The following HHIPL1 variants were observed in gnomAD, a reference collection of about 807,000 sequenced individuals.
The protein encoded by HHIPL1 is HHIP-like protein 1.
Under a neutral mutation model 61.8 loss-of-function variants are expected in HHIPL1, and 43 were observed. The ratio of observed to expected loss-of-function variants is 0.70; its 90% CI spans 0.55 to 0.90. The LOEUF is 0.90. Ranked by LOEUF, HHIPL1 falls within the 40% of genes least tolerant of loss-of-function variation. HHIPL1 has a pLI of 0.00. For missense variants in HHIPL1, 1,056 were observed against 1,157.7 expected (o/e 0.91, Z 1.28); for synonymous variants, 482 against 515.8 (o/e 0.93, Z 0.89).
At chr14:99,626,582 G>A in the HHIPL1 span, among the ~76,000 whole-genome samples, 1 of 152,224 alleles carries the variant, frequency 6.6e-6, no homozygotes, top group Non-Finnish European at 1.5e-5. Context: ...CAGGATGGGT[G>A]CCCAGACTGC....
the HHIPL1 span, among the ~76,000 whole-genome samples, chr14:99,619,538 T>C: frequency 6.6e-6 from 1 of 151,872 alleles, no homozygotes; most frequent in African/African-American, 2.4e-5. Flanking sequence ...TTCTCACACC[T>C]GCGTGATGAT....
chr14:99,675,980 T>C lies in HHIPL1; in HGVS notation c.*354T>C, dbSNP rs2056388006. On this transcript the variant is annotated 3_prime_UTR_variant, in exon 9 of 9. Transcript: ENST00000330710. This position sits in a 1 kb window ranked among gnomAD's most constrained non-coding sequence, Gnocchi z 5.4. ...CGAGGACGGACATGGCCCCTGGCTG[T>C]GCTAACAGAGGCACAGCTTGCAGAC... 1 of 258,988 alleles carries C rather than the reference T, an allele frequency of 3.9e-6. No homozygotes were observed. The highest frequency in any genetic ancestry group is 2.2e-5 in the African/African-American group (1 of 44,876). The allele number at this position is 258,988 out of a possible 1,614,324, so 16.0% of individuals were successfully genotyped here.
At chr14:99,622,391 C>T in the HHIPL1 span, among the ~76,000 whole-genome samples, 1 of 152,282 alleles carries the variant, frequency 6.6e-6, no homozygotes, top group East Asian at 1.9e-4. Flanking sequence ...CCTCATTGCC[C>T]TGCTCTCCAG....
chr14:99,637,426 G>A, the HHIPL1 span, among the ~76,000 whole-genome samples: 15 of 152,070 alleles, frequency 9.9e-5, no homozygotes, highest in Admixed American at 9.8e-4. Flanking sequence ...AACATAATCA[G>A]CTGGGCGTGA....
chr14:99,606,126 G>A, the HHIPL1 span, among the ~76,000 whole-genome samples: 1 of 152,202 alleles, frequency 6.6e-6, no homozygotes, highest in Non-Finnish European at 1.5e-5. Flanking sequence ...TCTCCAGACA[G>A]ATGGTCAGGG....
the HHIPL1 span, among the ~76,000 whole-genome samples, chr14:99,635,807 G>T: frequency 2.0e-5 from 3 of 152,212 alleles, no homozygotes; most frequent in East Asian, 5.8e-4. Flanking sequence ...CTGGAGGCAG[G>T]GGATTGCTGG....
rs1566816692 is a variant in HHIPL1, at chr14:99,668,953, C to CTGGGGCCCAGGGCCAGGG, written c.1730+662_1730+679dup. On this transcript the variant is annotated intron_variant, in intron 7 of 8. Coordinates refer to ENST00000330710, the MANE Select transcript of HHIPL1 (RefSeq NM_001127258.3). The surrounding 1 kb of genome is among the most constrained non-coding windows in gnomAD (Gnocchi z 4.7). ...AGCACAAAGACACGAAGTCATGGGC[C>CTGGGGCCCAGGGCCAGGG]TGGGGCCCAGGGCCAGGGTGGGGCC... is the stretch of plus-strand genomic sequence containing the variant. 3.7e-6 allele frequency: 6 copies of CTGGGGCCCAGGGCCAGGG among 1,604,100 alleles called. No individual in the cohort carries two copies. Among genetic ancestry groups the CTGGGGCCCAGGGCCAGGG allele is most frequent in the African/African-American group, 1.3e-5 (1 of 74,694 alleles).
At chr14:99,622,047 C>T in the HHIPL1 span, among the ~76,000 whole-genome samples, 3 of 151,618 alleles carry the variant, frequency 2.0e-5, no homozygotes, top group Non-Finnish European at 2.9e-5. Context: ...ATTCAGGAGG[C>T]GGGGGAAAAA....
intron 2 of HHIPL1, among the ~76,000 whole-genome samples, chr14:99,654,510 C>G (rs1297344484): frequency 6.6e-6 from 1 of 152,192 alleles, no homozygotes; most frequent in Non-Finnish European, 1.5e-5. Flanking sequence ...CGCTGGAGGC[C>G]AGCTATCTAA....
At chr14:99,658,180 G>T (rs868729003) in intron 3 of HHIPL1, among the ~76,000 whole-genome samples, 2 of 152,196 alleles carry the variant, frequency 1.3e-5, no homozygotes, top group African/African-American at 4.8e-5. Flanking sequence ...GCTTTCTCAC[G>T]TTTGGGATGT....
intron 7 of HHIPL1, chr14:99,669,250 A>C: frequency 5.4e-6 from 6 of 1,105,152 alleles, no homozygotes; most frequent in Non-Finnish European, 6.6e-6. Flanking sequence ...GGAACACTTG[A>C]TGAATAAATG....
At chr14:99,643,534 T>C (rs902310166), upstream of HHIPL1, among the ~76,000 whole-genome samples, 4 of 152,328 alleles carry the variant, frequency 2.6e-5, no homozygotes, top group East Asian at 7.7e-4. Flanking sequence ...TGGCCCAGGC[T>C]CTGTGTCACT....
At chr14:99,617,437 T>C in the HHIPL1 span, among the ~76,000 whole-genome samples, 1 of 151,674 alleles carries the variant, frequency 6.6e-6, no homozygotes, top group Non-Finnish European at 1.5e-5. Flanking sequence ...AATCAAGAAA[T>C]AGCAACGTAA....
intron 6 of HHIPL1, among the ~76,000 whole-genome samples, chr14:99,667,401 G>A (rs994110875): frequency 1.3e-5 from 2 of 152,076 alleles, no homozygotes; most frequent in Non-Finnish European, 2.9e-5. Flanking sequence ...GCAGGGGTTG[G>A]GAGGGAGGAT....
At chr14:99,615,162 G>A in the HHIPL1 span, among the ~76,000 whole-genome samples, 1 of 152,028 alleles carries the variant, frequency 6.6e-6, no homozygotes, top group Non-Finnish European at 1.5e-5. Context: ...CAGTCCAGGG[G>A]GAGGGCAGAG....
chr14:99,660,132 AGCCC>A lies in HHIPL1; in HGVS notation c.1376-147_1376-144del. 2.0e-5 allele frequency: 13 copies of A among 649,250 alleles called. 1 individual carries two copies. The highest frequency in any genetic ancestry group is 7.9e-5 in the South Asian group (3 of 38,108). The allele number at this position is 649,250 out of a possible 1,614,324, so 40.2% of individuals were successfully genotyped here. A position where few individuals can be genotyped will look rare whatever the true frequency, so the allele number is the denominator to read the frequency against. On this transcript the variant is annotated intron_variant, in intron 4 of 8. Transcript: ENST00000330710. This position sits in a 1 kb window ranked among gnomAD's most constrained non-coding sequence, Gnocchi z 4.9. ...CTGCAGACACGCTTTCCACCACGCCAGCCCTGCTGTGGGCACGCCAGCCCTGCTG... is the reference window on the plus strand; with the variant it reads ...CTGCAGACACGCTTTCCACCACGCCATGCTGTGGGCACGCCAGCCCTGCTG...
At chr14:99,645,483 C>CGGGCG in intron 1 of HHIPL1, 21 bp downstream of exon 1, 8 of 1,264,178 alleles carry the variant, frequency 6.3e-6, no homozygotes, top group Middle Eastern at 3.1e-4. Flanking sequence ...GCGCGGCCAC[C>CGGGCG]GGGCGGGGCG....
At chr14:99,624,522 A>G in the HHIPL1 span, among the ~76,000 whole-genome samples, 3 of 152,122 alleles carry the variant, frequency 2.0e-5, no homozygotes, top group African/African-American at 7.2e-5. Flanking sequence ...CAACCTAGGC[A>G]CACCCCACCT....
intron 6 of HHIPL1, among the ~76,000 whole-genome samples, chr14:99,664,730 G>A (rs975596059): frequency 6.6e-6 from 1 of 152,092 alleles, no homozygotes; most frequent in Non-Finnish European, 1.5e-5. Context: ...AGACCAGGAA[G>A]GTGGCTCAGT....
Sources: allele counts gnomAD v4.1 joint callset (sites outside exome capture counted in the v4.1 genomes callset), GRCh38; gene constraint gnomAD v4.1.1; non-coding constraint Gnocchi (gnomAD v3.1); transcripts MANE v1.5; gene names NCBI Gene and HGNC (gene_info 2026-07-23, HGNC 2026-07-21).